Variants in SLC12A8 observed in about 807,000 individuals in gnomAD.
SLC12A8 encodes the protein cation-chloride cotransporter 9.
A neutral mutation model predicts 75.6 loss-of-function variants in SLC12A8; 69 were observed. The observed-to-expected ratio is 0.91, with a 90% CI of 0.75 to 1.11. SLC12A8 has a LOEUF of 1.11. Ranked by LOEUF, SLC12A8 falls within the 50% of genes most tolerant of loss-of-function variation. The probability of loss-of-function intolerance (pLI) is 0.00; values close to 1 mark genes in which losing one functional copy is unlikely to be tolerated. For missense variants in SLC12A8, 877 were observed against 896.7 expected (o/e 0.98, Z 0.28); for synonymous variants, 365 against 372.8 (o/e 0.98, Z 0.24).
chr3:125,114,118 C>T (rs373443270), intron 8 of SLC12A8, among the ~76,000 whole-genome samples: 2 of 152,164 alleles, frequency 1.3e-5, no homozygotes, highest in Non-Finnish European at 1.5e-5. Context: ...ATGAATTGAT[C>T]AACATCTCAA....
intron 4 of SLC12A8, among the ~76,000 whole-genome samples, chr3:125,186,674 G>A (rs1357451582): frequency 2.0e-5 from 3 of 152,156 alleles, no homozygotes; most frequent in Non-Finnish European, 4.4e-5. Flanking sequence ...GCTCGTTTTC[G>A]GAGTGCCTCC....
chr3:125,207,234 T>C (rs566299878), intron 2 of SLC12A8, among the ~76,000 whole-genome samples: 1 of 152,278 alleles, frequency 6.6e-6, no homozygotes, highest in East Asian at 1.9e-4. Context: ...GACTTTGGCC[T>C]GCAGACCTCC....
chr3:125,090,661 C>T (rs1478031136), intron 12 of SLC12A8, among the ~76,000 whole-genome samples: 1 of 152,212 alleles, frequency 6.6e-6, no homozygotes, highest in East Asian at 1.9e-4. Context: ...CCTTCAGCTT[C>T]ATGAAATCAC....
At chr3:125,086,074 G>T (rs952037389) in intron 13 of SLC12A8, among the ~76,000 whole-genome samples, 1 of 151,914 alleles carries the variant, frequency 6.6e-6, no homozygotes, top group Non-Finnish European at 1.5e-5. Flanking sequence ...TGGTGACAGG[G>T]TTTTGCCATG....
At chr3:125,199,578 G>A (rs62270292) in intron 2 of SLC12A8, among the ~76,000 whole-genome samples, 14,389 of 130,992 alleles carry the variant, frequency 0.11, 721 homozygotes, top group East Asian at 0.14. Context: ...CCCTTCTCTA[G>A]AAGAAGGAAA....
At chr3:125,119,807 C>A (rs1933001149) in intron 7 of SLC12A8, 2 of 455,770 alleles carry the variant, frequency 4.4e-6, no homozygotes, top group Non-Finnish European at 8.8e-6. Context: ...AACACAGGCC[C>A]TTTTAACTTC....
chr3:125,146,338 G>A lies in SLC12A8; in HGVS notation c.623-10556C>T, dbSNP rs1376330723. ...CTGTTTGGGGTGATGACAAAGTTTT[G>A]GACGCAAATGGTTAGGATAATTGCA... On this transcript the variant is annotated intron_variant, in intron 5 of 13. Coordinates refer to ENST00000469902, the MANE Select transcript of SLC12A8 (RefSeq NM_024628.6). Among the ~76,000 whole-genome samples the A allele has an allele frequency of 2.0e-5, 3 of 152,082 alleles. No individual in the cohort carries two copies. The East Asian group carries it at 5.8e-4, about 29-fold the overall frequency.
intron 5 of SLC12A8, among the ~76,000 whole-genome samples, chr3:125,173,436 C>A: frequency 8.9e-6 from 1 of 112,736 alleles, no homozygotes; most frequent in African/African-American, 3.4e-5. Flanking sequence ...GCTGGAACAA[C>A]TTGATATTCA....
At chr3:125,089,889 G>A (rs1938545301) in intron 12 of SLC12A8, among the ~76,000 whole-genome samples, 1 of 151,012 alleles carries the variant, frequency 6.6e-6, no homozygotes, top group South Asian at 2.1e-4. Context: ...AGCATTTGAT[G>A]CTATAAATTT....
chr3:125,144,033 A>C (rs1933712605), intron 5 of SLC12A8, among the ~76,000 whole-genome samples: 1 of 152,250 alleles, frequency 6.6e-6, no homozygotes, highest in Admixed American at 6.5e-5. Context: ...ACCTTTTCTC[A>C]TAATGGCCTT....
intron 8 of SLC12A8, among the ~76,000 whole-genome samples, chr3:125,113,900 C>T (rs1419497316): frequency 1.3e-5 from 2 of 152,196 alleles, no homozygotes; most frequent in Admixed American, 6.5e-5. Flanking sequence ...ATTGGCTGCT[C>T]TCTTCTCTCA....
At chr3:125,097,521 A>C (rs967783367) in intron 10 of SLC12A8, among the ~76,000 whole-genome samples, 4 of 145,510 alleles carry the variant, frequency 2.7e-5, no homozygotes, top group Non-Finnish European at 6.0e-5. Context: ...ACTGAACCTA[A>C]AGGGAATTGT....
At chr3:125,187,531 T>C in intron 3 of SLC12A8, 103 bp from the exon 4 acceptor site, 1 of 1,059,306 alleles carries the variant, frequency 9.4e-7, no homozygotes, top group South Asian at 1.5e-5. Flanking sequence ...AGCACTGGAA[T>C]AGGGGCCAGG....
chr3:125,208,747 T>TACACACACACACACACACACACAC (rs61130966), intron 2 of SLC12A8, among the ~76,000 whole-genome samples: 1 of 87,378 alleles, frequency 1.1e-5, no homozygotes, highest in Non-Finnish European at 2.4e-5. Flanking sequence ...CTGACCAATC[T>TACACACACACACACACACACACAC]ACACACACAC....
intron 2 of SLC12A8, among the ~76,000 whole-genome samples, chr3:125,192,966 A>G (rs76554709): frequency 0.02 from 2,974 of 152,334 alleles, 49 homozygotes; most frequent in East Asian, 0.053. Context: ...ACCAAAACAG[A>G]GAGAAAGGGG....
At chr3:125,164,080 C>T (rs1033200738) in intron 5 of SLC12A8, among the ~76,000 whole-genome samples, 13 of 152,224 alleles carry the variant, frequency 8.5e-5, no homozygotes, top group Non-Finnish European at 1.5e-4. Context: ...CTTAAAGAGG[C>T]TCACCTCTAA....
chr3:125,148,383 C>T (rs1277645027), intron 5 of SLC12A8, among the ~76,000 whole-genome samples: 1 of 152,144 alleles, frequency 6.6e-6, no homozygotes, highest in African/African-American at 2.4e-5. Flanking sequence ...AGGTGCATGC[C>T]TCAGTCCCCA....
At chr3:125,156,488 A>C (rs1186702265) in intron 5 of SLC12A8, among the ~76,000 whole-genome samples, 1 of 152,242 alleles carries the variant, frequency 6.6e-6, no homozygotes, top group Non-Finnish European at 1.5e-5. Flanking sequence ...TTTGGATTAT[A>C]AACTAACGAG....
intron 3 of SLC12A8, 101 bp downstream of exon 3, chr3:125,190,274 G>C: frequency 7.7e-7 from 1 of 1,298,432 alleles, no homozygotes; most frequent in Non-Finnish European, 1.1e-6. Flanking sequence ...AGGAGCATCT[G>C]TGCTTCAGGA....
Sources: gnomAD v4.1 joint callset for allele counts (sites outside exome capture counted in the v4.1 genomes callset) on GRCh38, gnomAD v4.1.1 for gene constraint, MANE v1.5 for transcripts, NCBI Gene and HGNC (gene_info 2026-07-23, HGNC 2026-07-21) for gene names.